CLEC9A: variants seen among roughly 807,000 people sequenced by gnomAD.
The protein encoded by CLEC9A is C-type lectin domain family 9 member A.
A neutral mutation model predicts 30.0 loss-of-function variants in CLEC9A; 24 were observed. That is an observed-to-expected ratio of 0.80 (90% CI 0.58 to 1.13). CLEC9A has a LOEUF of 1.13. CLEC9A is among the 50% of genes most tolerant of loss of function. CLEC9A has a pLI of 0.00. For missense variants in CLEC9A, 251 were observed against 280.9 expected (o/e 0.89, Z 0.76); for synonymous variants, 111 against 96.8 (o/e 1.15, Z -0.86).
Position 10,061,149 on chromosome 12 carries a change from G to T in CLEC9A, c.195G>T (p.Ala65=). The change falls in exon 6 of 9, where the codon GCG becomes GCT. Residue 65 remains alanine (A), a synonymous_variant. Transcript: ENST00000355819. ...GVKLLQVSTI[A]MQQQEKLIQQ... is the part of the protein sequence containing the mutation. ...AAGTGTTGCAGGTGTCCACCATTGC[G>T]ATGCAGCAGCAAGAAAAACTCATCC... 1.2e-6 allele frequency: 2 copies of T among 1,610,450 alleles called. No homozygotes were observed. The highest frequency in any genetic ancestry group is 1.7e-6 in the Non-Finnish European group (2 of 1,178,806).
At chr12:10,062,376 GT>G (rs943262156) in intron 6 of CLEC9A, among the ~76,000 whole-genome samples, 1 of 152,112 alleles carries the variant, frequency 6.6e-6, no homozygotes, top group Non-Finnish European at 1.5e-5. Flanking sequence ...TTGGTCTTTG[GT>G]TCCCCTTTTA....
chr12:10,037,703 A>G (rs1865755442), intron 1 of CLEC9A, among the ~76,000 whole-genome samples: 1 of 152,174 alleles, frequency 6.6e-6, no homozygotes, highest in African/African-American at 2.4e-5. Flanking sequence ...TTTTCTCAAC[A>G]TCGTTATAAC....
At chr12:10,065,363 G>T in intron 8 of CLEC9A, 137 bp from the exon 9 acceptor site, 1 of 789,822 alleles carries the variant, frequency 1.3e-6, no homozygotes, top group East Asian at 2.8e-5. Context: ...ACTGAAGAAG[G>T]AGGATGAAAC....
At chr12:10,032,372 T>A (rs1865705448) in intron 1 of CLEC9A, among the ~76,000 whole-genome samples, 1 of 146,636 alleles carries the variant, frequency 6.8e-6, no homozygotes, top group African/African-American at 2.5e-5. Context: ...TCCATCCACC[T>A]ACCTCCTTAG....
chr12:10,034,590 G>A (rs995838607), intron 1 of CLEC9A, among the ~76,000 whole-genome samples: 4 of 152,090 alleles, frequency 2.6e-5, no homozygotes, highest in Admixed American at 6.5e-5. Context: ...ATTCATTAAC[G>A]ATTAGTCCCC....
intron 5 of CLEC9A, 54 bp downstream of exon 5, chr12:10,054,405 A>G (rs1402000109): frequency 1.1e-5 from 12 of 1,141,448 alleles, no homozygotes; most frequent in African/African-American, 1.6e-5. Flanking sequence ...ATAAAACTTC[A>G]TAATTTATAA....
intron 1 of CLEC9A, among the ~76,000 whole-genome samples, chr12:10,031,399 A>G (rs1214580588): frequency 6.6e-6 from 1 of 152,324 alleles, no homozygotes; most frequent in East Asian, 1.9e-4. Flanking sequence ...AGGGAGTCAA[A>G]CACGAAATCT....
chr12:10,051,363 T>C (rs1865891776), intron 2 of CLEC9A, among the ~76,000 whole-genome samples: 1 of 152,212 alleles, frequency 6.6e-6, no homozygotes, highest in Non-Finnish European at 1.5e-5. Flanking sequence ...CCCTGGCTTC[T>C]AGTTAATTGA....
intron 2 of CLEC9A, among the ~76,000 whole-genome samples, chr12:10,043,938 C>A (rs975197591): frequency 9.9e-5 from 15 of 152,120 alleles, no homozygotes; most frequent in Admixed American, 9.2e-4. Context: ...CTCAGCCTCC[C>A]AAAGTGCTGG....
At chr12:10,046,132 A>G (rs1028917455) in intron 2 of CLEC9A, among the ~76,000 whole-genome samples, 2 of 152,182 alleles carry the variant, frequency 1.3e-5, no homozygotes, top group Non-Finnish European at 1.5e-5. Flanking sequence ...TTTAACTTCC[A>G]TTTTCTCATA....
chr12:10,035,560 T>C (rs1323376691), intron 1 of CLEC9A, among the ~76,000 whole-genome samples: 1 of 152,258 alleles, frequency 6.6e-6, no homozygotes, highest in Non-Finnish European at 1.5e-5. Context: ...AATCGCACTA[T>C]TTCCCATAAT....
chr12:10,047,317 A>G (rs994784115), intron 2 of CLEC9A, among the ~76,000 whole-genome samples: 1 of 152,246 alleles, frequency 6.6e-6, no homozygotes, highest in Non-Finnish European at 1.5e-5. Context: ...GCATATGTTC[A>G]TACATCACTA....
intron 2 of CLEC9A, among the ~76,000 whole-genome samples, chr12:10,042,975 A>T (rs928277890): frequency 6.6e-6 from 1 of 152,250 alleles, no homozygotes; most frequent in African/African-American, 2.4e-5. Flanking sequence ...TTATAAACAC[A>T]TAGGAACATT....
chr12:10,045,446 A>T, intron 2 of CLEC9A: 1 of 167,726 alleles, frequency 6.0e-6, no homozygotes, highest in Non-Finnish European at 1.3e-5. Flanking sequence ...TTGTTTCCTT[A>T]GTTTTTGAAG....
At chr12:10,037,554 G>C (rs937099312) in intron 1 of CLEC9A, among the ~76,000 whole-genome samples, 7 of 151,954 alleles carry the variant, frequency 4.6e-5, no homozygotes, top group Non-Finnish European at 7.4e-5. Context: ...ACTCACACTG[G>C]GACCATGTAG....
At chr12:10,039,597 A>T (rs1865773551) in intron 1 of CLEC9A, among the ~76,000 whole-genome samples, 1 of 152,012 alleles carries the variant, frequency 6.6e-6, no homozygotes, top group Non-Finnish European at 1.5e-5. Context: ...AATCTTTCTC[A>T]TTCTATTCTC....
rs1591889461 is a variant in CLEC9A at position 10,049,873 on chromosome 12, C to T, written c.-162-2118C>T. 3.3e-5 allele frequency among the ~76,000 whole-genome samples: 5 copies of T among 152,316 alleles called. No individual in the cohort carries two copies. The East Asian group carries it at 5.8e-4, about 18-fold the overall frequency. On this transcript the variant is annotated intron_variant, in intron 2 of 8. Coordinates refer to ENST00000355819, the MANE Select transcript of CLEC9A (RefSeq NM_207345.4). ...TTCTAGAATGTTTCCTTTACATTCA[C>T]AACTTGGCTAGCTGTTTTACATAAT...
chr12:10,056,131 G>A (rs1865941349), intron 5 of CLEC9A, among the ~76,000 whole-genome samples: 1 of 144,550 alleles, frequency 6.9e-6, no homozygotes, highest in African/African-American at 2.5e-5. Context: ...GCTGTTCAGT[G>A]TATACCTAAG....
At chr12:10,049,143 G>GAA (rs35792867) in intron 2 of CLEC9A, among the ~76,000 whole-genome samples, 2 of 145,812 alleles carry the variant, frequency 1.4e-5, no homozygotes, top group Admixed American at 1.4e-4. Context: ...AATATTTTGA[G>GAA]AAAAAAAAAA....
Sources: allele counts gnomAD v4.1 joint callset (sites outside exome capture counted in the v4.1 genomes callset), GRCh38; gene constraint gnomAD v4.1.1; transcripts MANE v1.5; gene names NCBI Gene and HGNC (gene_info 2026-07-23, HGNC 2026-07-21).